The following AMMECR1 variants were observed in gnomAD, a reference collection of about 807,000 sequenced individuals.
The protein encoded by AMMECR1 is AMMECR nuclear protein 1.
A neutral mutation model predicts 22.5 loss-of-function variants in AMMECR1; 3 were observed. The observed-to-expected ratio is 0.13, with a 90% confidence interval of 0.06 to 0.35. AMMECR1 has a LOEUF of 0.35. Ranked by LOEUF, AMMECR1 falls within the 10% of genes least tolerant of loss-of-function variation. AMMECR1 has a pLI of 1.00. For synonymous variants in AMMECR1, 130 were observed against 116.7 expected (o/e 1.11, Z -0.74); for missense variants, 235 against 278.7 (o/e 0.84, Z 1.12).
chrX:110,214,472 G>A (rs761238467), intron 3 of AMMECR1, among the ~76,000 whole-genome samples: 1 of 110,997 alleles, frequency 9.0e-6, no homozygotes, highest in East Asian at 2.8e-4. Flanking sequence ...TACTTCTTAA[G>A]GGCTTTACAT....
intron 2 of AMMECR1, among the ~76,000 whole-genome samples, chrX:110,231,634 C>A (rs2067566957): frequency 9.0e-6 from 1 of 111,725 alleles, no homozygotes; most frequent in Non-Finnish European, 1.9e-5. Flanking sequence ...CAGCAAACAT[C>A]ATAATGACAG....
At chrX:110,221,278 T>C (rs896722511) in intron 2 of AMMECR1, among the ~76,000 whole-genome samples, 4 of 111,933 alleles carry the variant, frequency 3.6e-5, no homozygotes, top group Admixed American at 9.5e-5. Context: ...GCTTCTGGAA[T>C]AGAATGCATA....
chrX:110,371,884 A>G lies in AMMECR1; in HGVS notation c.-147-54035T>C, dbSNP rs750074904. Among the ~76,000 whole-genome samples the G allele has an allele frequency of 8.1e-5, 9 of 110,982 alleles. No individual in the cohort carries two copies. In the South Asian group the frequency reaches 3.1e-3, roughly 38 times the overall value. On this transcript the variant is annotated intron_variant, in intron 2 of 7. Coordinates refer to the AMMECR1 transcript ENST00000372057. ...TCACCATCCTTTTTGCTTTCCCTTA[A>G]CAATGCTCACACTGTTATAAACAGT... is the stretch of plus-strand genomic sequence containing the variant.
At chrX:110,327,424 G>A (rs895303491) in intron 2 of AMMECR1, among the ~76,000 whole-genome samples, 1 of 111,979 alleles carries the variant, frequency 8.9e-6, no homozygotes, top group Non-Finnish European at 1.9e-5. Context: ...GGTTAATGAT[G>A]TTAAATACTG....
chrX:110,376,202 C>T (rs866231227), intron 2 of AMMECR1, among the ~76,000 whole-genome samples: 3 of 111,511 alleles, frequency 2.7e-5, no homozygotes, highest in African/African-American at 9.8e-5. Context: ...TGCTAAGAGA[C>T]AGCAATTCAA....
In AMMECR1 at chrX:110,195,565, G is replaced by A. The variant is rs2067365738; in HGVS notation, c.*2955C>T. 8.9e-6 allele frequency: 1 copy of A among 112,369 alleles called. No homozygotes were observed. The highest frequency in any genetic ancestry group is 1.9e-5 in the Non-Finnish European group (1 of 53,223). The allele number at this position is 112,369 out of a possible 1,213,427, so 9.3% of individuals were successfully genotyped here. ...CGAATTAACATTTAAAAGGGGCTAT[G>A]TAAACTTTGTGCTACTCAAATGAAG... is the stretch of plus-strand genomic sequence containing the variant. On this transcript the variant is annotated 3_prime_UTR_variant, in exon 6 of 6. Transcript: ENST00000262844.
At chrX:110,321,561 C>A (rs2068079113), upstream of AMMECR1, among the ~76,000 whole-genome samples, 1 of 111,539 alleles carries the variant, frequency 9.0e-6, no homozygotes, top group Non-Finnish European at 1.9e-5. Context: ...GAATTAAACC[C>A]AATAGTTAGT....
rs747170769 is a variant in AMMECR1 at position 110,325,863 on chromosome X, T to C, written c.-147-8014A>G. ...GCTTCTGAAATGGCAGGTTAGGTTATTGAATTGAATTATTTCTTCTTTTTA... is the reference window on the plus strand; with the variant it reads ...GCTTCTGAAATGGCAGGTTAGGTTACTGAATTGAATTATTTCTTCTTTTTA... On this transcript the variant is annotated intron_variant, in intron 2 of 7. Coordinates refer to the AMMECR1 transcript ENST00000372057. Among the ~76,000 whole-genome samples, 317 of 112,399 alleles carry C rather than the reference T, an allele frequency of 2.8e-3. 2 individuals are homozygous for C. Among genetic ancestry groups the C allele is most frequent in the African/African-American group, 9.9e-3 (305 of 30,962 alleles).
chrX:110,241,904 C>A (rs1349792642), intron 2 of AMMECR1, among the ~76,000 whole-genome samples: 2 of 111,727 alleles, frequency 1.8e-5, no homozygotes, highest in Non-Finnish European at 3.8e-5. Context: ...GCAAACCCAA[C>A]AAAGTAGCAT....
At chrX:110,413,247 A>G (rs193206980) in intron 2 of AMMECR1, among the ~76,000 whole-genome samples, 9 of 111,117 alleles carry the variant, frequency 8.1e-5, no homozygotes, top group South Asian at 3.8e-4. Flanking sequence ...ACAGAGCACT[A>G]TTGTCTACCT....
At chrX:110,231,416 A>T (rs1281553392) in intron 2 of AMMECR1, among the ~76,000 whole-genome samples, 1 of 112,251 alleles carries the variant, frequency 8.9e-6, no homozygotes. Context: ...AGCCAAACTA[A>T]ACTTCATAAG....
At chrX:110,241,658 C>A (rs1000925996) in intron 2 of AMMECR1, among the ~76,000 whole-genome samples, 1 of 103,884 alleles carries the variant, frequency 9.6e-6, no homozygotes, top group African/African-American at 3.5e-5. Context: ...CAGGGCCTGT[C>A]GGGGGGTGGG....
At chrX:110,437,873 G>A (rs978027940) in intron 1 of AMMECR1, among the ~76,000 whole-genome samples, 2 of 111,415 alleles carry the variant, frequency 1.8e-5, no homozygotes, top group African/African-American at 6.5e-5. Context: ...CTTGTTCAGT[G>A]ACTCAGGTAA....
chrX:110,267,103 G>A (rs1341741895), intron 1 of AMMECR1, among the ~76,000 whole-genome samples: 1 of 111,806 alleles, frequency 8.9e-6, no homozygotes, highest in Non-Finnish European at 1.9e-5. Flanking sequence ...GGACATTTGG[G>A]TTGGTCTGAA....
Position 110,198,584 on chromosome X carries a change from C to T in AMMECR1, c.938G>A (p.Arg313His), listed in dbSNP as rs763040190. 9 of 1,200,586 alleles carry T rather than the reference C, an allele frequency of 7.5e-6. No individual in the cohort carries two copies. The highest frequency in any genetic ancestry group is 1.8e-5 in the African/African-American group (1 of 56,550). Reference sequence around the variant, plus strand: ...GCCATTTTGGAAATGATGATGCTGGCGATGAGCAAGGTATTCAGCATAGCT... The same window carrying T: ...GCCATTTTGGAAATGATGATGCTGGTGATGAGCAAGGTATTCAGCATAGCT... ...TLSYAEYLAH[R>H]QHHHFQNGIG... Residue 313 changes from arginine (R) to histidine (H), a missense_variant, in exon 6 of 6, where the codon CGC becomes CAC. Transcript: ENST00000262844.
At chrX:110,291,872 A>G (rs1361372698) in intron 1 of AMMECR1, among the ~76,000 whole-genome samples, 1 of 111,941 alleles carries the variant, frequency 8.9e-6, no homozygotes, top group Non-Finnish European at 1.9e-5. Context: ...GGCCCCGAAT[A>G]CACAGACTTT....
chrX:110,315,028 A>G (rs1006719124), intron 1 of AMMECR1, among the ~76,000 whole-genome samples: 1 of 111,862 alleles, frequency 8.9e-6, no homozygotes, highest in African/African-American at 3.3e-5. Flanking sequence ...GTGGGCAGAG[A>G]CATGACCTGA....
intron 1 of AMMECR1, among the ~76,000 whole-genome samples, chrX:110,300,368 T>C (rs2067959769): frequency 8.9e-6 from 1 of 112,370 alleles, no homozygotes; most frequent in African/African-American, 3.2e-5. Flanking sequence ...GGTATTCCTT[T>C]TGTTCATCAA....
chrX:110,211,788 A>G (rs2067448998), intron 3 of AMMECR1, among the ~76,000 whole-genome samples: 1 of 111,767 alleles, frequency 8.9e-6, no homozygotes, highest in African/African-American at 3.3e-5. Context: ...CTAGGACAAT[A>G]AGTACATCAT....
Sources: allele counts gnomAD v4.1 joint callset (sites outside exome capture counted in the v4.1 genomes callset), GRCh38; gene constraint gnomAD v4.1.1; transcripts MANE v1.5; gene names NCBI Gene and HGNC (gene_info 2026-07-23, HGNC 2026-07-21).